Variants in ARHGAP5 observed in about 807,000 individuals in gnomAD.
The protein encoded by ARHGAP5 is Rho GTPase activating protein 5, also known as rho GTPase-activating protein 5.
ARHGAP5 carries 23 observed loss-of-function variants against 116.6 expected under a neutral mutation model. The observed-to-expected ratio is 0.20, with a 90% CI of 0.14 to 0.28. The LOEUF is 0.28. ARHGAP5 is among the 10% of genes least tolerant of loss of function. The pLI is 1.00. For synonymous variants in ARHGAP5, 574 were observed against 602.0 expected (o/e 0.95, Z 0.68); for missense variants, 1,405 against 1,774.8 (o/e 0.79, Z 3.74).
intron 3 of ARHGAP5, among the ~76,000 whole-genome samples, chr14:32,139,445 A>T (rs1168597406): frequency 3.8e-4 from 58 of 152,018 alleles, no homozygotes; most frequent in Non-Finnish European, 7.4e-5. Flanking sequence ...GGTAGTTGGT[A>T]TATTTCTAAA....
rs968933688 is a variant in ARHGAP5 at position 32,092,017 on chromosome 14, T to C, written c.1348T>C (p.Trp450Arg). ...KIQFISPGQP[W>R]EEVMCFVMED... is the part of the protein sequence containing the mutation. ...TCAATTCATTTCACCAGGGCAGCCA[T>C]GGGAGGAAGTTATGTGCTTTGTTAT... The change falls in exon 2 of 7, where the codon TGG (tryptophan) becomes CGG (arginine). Residue 450 changes from tryptophan to arginine, a missense_variant. Coordinates refer to ENST00000345122, the MANE Select transcript of ARHGAP5 (RefSeq NM_001030055.2). This position sits in a 1 kb window ranked among gnomAD's most constrained non-coding sequence, Gnocchi z 4.1. 1.2e-6 allele frequency: 2 copies of C among 1,613,478 alleles called. No individual in the cohort carries two copies. The highest frequency in any genetic ancestry group is 1.7e-6 in the Non-Finnish European group (2 of 1,179,706).
chr14:32,108,481 A>G (rs1014381319), intron 2 of ARHGAP5, among the ~76,000 whole-genome samples: 4 of 152,136 alleles, frequency 2.6e-5, no homozygotes, highest in African/African-American at 9.7e-5. Flanking sequence ...CAGTTATTAT[A>G]GAGGGAAAAG....
intron 1 of ARHGAP5, among the ~76,000 whole-genome samples, chr14:32,089,763 A>T (rs1279725365): frequency 6.6e-6 from 1 of 151,882 alleles, no homozygotes; most frequent in Non-Finnish European, 1.5e-5. Flanking sequence ...TCTAATAAAA[A>T]ATCAAGGCTT....
At position 32,155,014 on chromosome 14, in the gene ARHGAP5, G is replaced by C; in HGVS notation, c.*66G>C. ...CAAATCTAGACATGCATGTTTCAGG[G>C]TTCAGTAGTATACTTCATGTTTCAT... On this transcript the variant is annotated 3_prime_UTR_variant, in exon 7 of 7. Transcript: ENST00000345122. 1 of 1,374,564 alleles carries C rather than the reference G, an allele frequency of 7.3e-7. No homozygotes were observed. Among genetic ancestry groups the C allele is most frequent in the Non-Finnish European group, 1.0e-6 (1 of 995,644 alleles). 85.1% of individuals were successfully genotyped at this position (1,374,564 alleles called of 1,614,324 possible).
chr14:32,112,598 C>T (rs1003879718), intron 2 of ARHGAP5, among the ~76,000 whole-genome samples: 2 of 152,082 alleles, frequency 1.3e-5, no homozygotes, highest in East Asian at 1.9e-4. Context: ...TTCGGTAGGG[C>T]GCGGTGGCTC....
chr14:32,142,433 A>C (rs1352628887), intron 3 of ARHGAP5, among the ~76,000 whole-genome samples: 1 of 152,132 alleles, frequency 6.6e-6, no homozygotes, highest in African/African-American at 2.4e-5. Context: ...GCTTGTTTAG[A>C]GACTTCTGTA....
rs1002007634 is a variant in ARHGAP5 at position 32,159,553 on chromosome 14, C to T, written c.*4605C>T. 2.0e-5 allele frequency: 3 copies of T among 152,132 alleles called. No homozygotes were observed. The highest frequency in any genetic ancestry group is 7.2e-5 in the African/African-American group (3 of 41,442). The allele number at this position is 152,132 out of a possible 1,614,324, so 9.4% of individuals were successfully genotyped here. ...GTGTATATGTATTTGCTCACCAGAT[C>T]ATTTTCTTGGGACCTTGAACTGTGA... On this transcript the variant is annotated 3_prime_UTR_variant, in exon 7 of 7. Transcript: ENST00000345122.
chr14:32,079,342 G>A (rs1216994862), intron 1 of ARHGAP5, among the ~76,000 whole-genome samples: 1 of 152,062 alleles, frequency 6.6e-6, no homozygotes, highest in East Asian at 1.9e-4. Flanking sequence ...TAAGAATTGC[G>A]GCAGAATTCT....
At chr14:32,115,795 C>A (rs1247301589) in intron 2 of ARHGAP5, among the ~76,000 whole-genome samples, 3 of 141,654 alleles carry the variant, frequency 2.1e-5, no homozygotes, top group African/African-American at 8.0e-5. Context: ...CATGGTGAAA[C>A]CCCATCTCTA....
chr14:32,093,465 T>C lies in ARHGAP5; in HGVS notation c.2796T>C (p.Thr932=). Residue 932 remains threonine (T), a synonymous_variant, in exon 2 of 7, where the codon ACT becomes ACC. Transcript: ENST00000345122. The part of the protein sequence containing the change: ...SQYHRQTEVF[T]LFFSDVLEKK... ...ATCATCGGCAAACTGAGGTCTTTAC[T>C]CTGTTTTTTAGTGATGTTCTAGAGA... 1.2e-6 allele frequency: 2 copies of C among 1,613,234 alleles called. No homozygotes were observed. The highest frequency in any genetic ancestry group is 1.1e-5 in the South Asian group (1 of 90,854).
intron 2 of ARHGAP5, among the ~76,000 whole-genome samples, chr14:32,116,802 T>C (rs1181946864): frequency 6.6e-6 from 1 of 152,206 alleles, no homozygotes; most frequent in East Asian, 1.9e-4. Flanking sequence ...GAAATTAATA[T>C]ATCACACCTA....
chr14:32,149,768 A>G (rs996385620), intron 4 of ARHGAP5, 134 bp from the exon 5 acceptor site: 3 of 443,908 alleles, frequency 6.8e-6, no homozygotes, highest in Non-Finnish European at 1.1e-5. Flanking sequence ...AGTAAAACTC[A>G]GTCTCAAAAA....
chr14:32,137,949 G>A (rs1412685648), intron 3 of ARHGAP5, among the ~76,000 whole-genome samples: 1 of 149,452 alleles, frequency 6.7e-6, no homozygotes, highest in Non-Finnish European at 1.5e-5. Flanking sequence ...TCCAGCCTGG[G>A]GACAAGAGTG....
At chr14:32,146,924 A>T (rs1226574229) in intron 4 of ARHGAP5, among the ~76,000 whole-genome samples, 1 of 152,180 alleles carries the variant, frequency 6.6e-6, no homozygotes, top group Non-Finnish European at 1.5e-5. Context: ...CAGATTAGAT[A>T]TTTTATGGAG....
In ARHGAP5 at chr14:32,158,146, T is replaced by C. The variant is rs1329253129; in HGVS notation, c.*3198T>C. The C allele has an allele frequency of 6.6e-6, 1 of 151,838 alleles. No individual in the cohort carries two copies. The highest frequency in any genetic ancestry group is 2.4e-5 in the African/African-American group (1 of 41,448). 9.4% of individuals were successfully genotyped at this position (151,838 alleles called of 1,614,324 possible). ...TAAGAAGCTGTGTAATTTTAAGTTA[T>C]AGTTGCCTCTATTTTTACCATTTCA... On this transcript the variant is annotated 3_prime_UTR_variant, in exon 7 of 7. Coordinates refer to ENST00000345122, the MANE Select transcript of ARHGAP5 (RefSeq NM_001030055.2).
intron 1 of ARHGAP5, among the ~76,000 whole-genome samples, chr14:32,087,854 A>G (rs1326307224): frequency 1.3e-5 from 2 of 152,044 alleles, no homozygotes; most frequent in Non-Finnish European, 2.9e-5. Context: ...CAAATTAATT[A>G]GGATGTGTTG....
At chr14:32,106,136 T>C (rs1239321562) in intron 2 of ARHGAP5, among the ~76,000 whole-genome samples, 2 of 152,172 alleles carry the variant, frequency 1.3e-5, no homozygotes, top group Non-Finnish European at 2.9e-5. Flanking sequence ...TTTATTTATT[T>C]ATTGAGATGG....
intron 3 of ARHGAP5, among the ~76,000 whole-genome samples, chr14:32,133,489 A>G (rs574992509): frequency 1.2e-4 from 18 of 152,218 alleles, no homozygotes; most frequent in Admixed American, 5.9e-4. Flanking sequence ...GGGCTGAGAC[A>G]ATGGGGTTTT....
Position 32,118,638 on chromosome 14 carries a change from CA to C in ARHGAP5, c.3865+1354del, listed in dbSNP as rs1879725683. Among the ~76,000 whole-genome samples, 3 of 152,314 alleles carry C rather than the reference CA, an allele frequency of 2.0e-5. No homozygotes were observed. The South Asian group carries it at 6.2e-4, about 32-fold the overall frequency. On this transcript the variant is annotated intron_variant, in intron 3 of 6. Coordinates refer to ENST00000345122, the MANE Select transcript of ARHGAP5 (RefSeq NM_001030055.2). ...CTTTATCATTTATTTTTCCCTTCAGCAAATACTTGAGAAGTGTTATTAGAAA... is the reference window on the plus strand; with the variant it reads ...CTTTATCATTTATTTTTCCCTTCAGCAATACTTGAGAAGTGTTATTAGAAA...
Sources: allele counts gnomAD v4.1 joint callset (sites outside exome capture counted in the v4.1 genomes callset), GRCh38; gene constraint gnomAD v4.1.1; non-coding constraint Gnocchi (gnomAD v3.1); transcripts MANE v1.5; gene names NCBI Gene and HGNC (gene_info 2026-07-23, HGNC 2026-07-21).